ZFPM2: variants seen among roughly 807,000 people sequenced by gnomAD.
ZFPM2 encodes the protein zinc finger protein ZFPM2.
ZFPM2 carries 20 observed loss-of-function variants against 98.6 expected under a neutral mutation model. The observed-to-expected ratio is 0.20, with a 90% CI of 0.14 to 0.29. The LOEUF is 0.29. Among genes scored for constraint, ZFPM2 ranks in the 10% least tolerant of loss-of-function variants. ZFPM2 has a pLI of 1.00. For synonymous variants in ZFPM2, 518 were observed against 502.7 expected (o/e 1.03, Z -0.41); for missense variants, 1,310 against 1,388.6 (o/e 0.94, Z 0.90).
rs1471269741 is a variant in ZFPM2, at chr8:105,534,154, C to T, written c.302-27209C>T. Among the ~76,000 whole-genome samples, 202 of 77,138 alleles carry T rather than the reference C, an allele frequency of 2.6e-3. 1 individual carries two copies. The highest frequency in any genetic ancestry group is 4.1e-3 in the Non-Finnish European group (157 of 38,574). 50.6% of individuals were successfully genotyped at this position (77,138 alleles called of 152,430 possible). A position where few individuals can be genotyped will look rare whatever the true frequency, so the allele number is the denominator to read the frequency against. On this transcript the variant is annotated intron_variant, in intron 3 of 7. Coordinates refer to ENST00000407775, the MANE Select transcript of ZFPM2 (RefSeq NM_012082.4). ...CCCTTCCTTCCTTTCTTCCTTCCTC[C>T]CTCCTTTCTCTCTTCCTCCCTCCTT...
At chr8:105,639,002 C>G (rs1307560925) in intron 5 of ZFPM2, among the ~76,000 whole-genome samples, 1 of 152,026 alleles carries the variant, frequency 6.6e-6, no homozygotes, top group Non-Finnish European at 1.5e-5. Context: ...GTTGGGTCGT[C>G]TGTTTTTTGC....
chr8:105,653,852 A>ATCTTTTTTT (rs1817230243), intron 5 of ZFPM2, among the ~76,000 whole-genome samples: 1 of 56,226 alleles, frequency 1.8e-5, no homozygotes, highest in Non-Finnish European at 3.7e-5. Flanking sequence ...CTTGTGTGCT[A>ATCTTTTTTT]TCTTTTTTTT....
intron 5 of ZFPM2, among the ~76,000 whole-genome samples, chr8:105,760,665 G>T (rs1812714714): frequency 6.6e-6 from 1 of 152,008 alleles, no homozygotes; most frequent in Non-Finnish European, 1.5e-5. Context: ...AAGCAACTGT[G>T]ACATCTTTAG....
At chr8:105,418,684 G>T in intron 1 of ZFPM2, 1 of 499,318 alleles carries the variant, frequency 2.0e-6, no homozygotes, top group South Asian at 1.5e-5. Flanking sequence ...ATTTTTAAAA[G>T]TATAGACTTT....
intron 4 of ZFPM2, among the ~76,000 whole-genome samples, chr8:105,607,585 G>A (rs1563740678): frequency 6.6e-6 from 1 of 151,996 alleles, no homozygotes; most frequent in Non-Finnish European, 1.5e-5. Context: ...AGAGTTAAAT[G>A]CGTTTGTCTA....
At chr8:105,467,979 A>G (rs1159871816) in intron 3 of ZFPM2, among the ~76,000 whole-genome samples, 1 of 151,956 alleles carries the variant, frequency 6.6e-6, no homozygotes, top group African/African-American at 2.4e-5. Flanking sequence ...AAAATAATCT[A>G]AAGAGAGAAC....
At chr8:105,544,622 C>T (rs1294938076) in intron 3 of ZFPM2, among the ~76,000 whole-genome samples, 2 of 152,102 alleles carry the variant, frequency 1.3e-5, no homozygotes, top group Non-Finnish European at 2.9e-5. Context: ...TCTAATGGTT[C>T]ATGTAGTTGT....
chr8:105,478,637 A>G (rs1813057059), intron 3 of ZFPM2, among the ~76,000 whole-genome samples: 2 of 152,214 alleles, frequency 1.3e-5, no homozygotes, highest in African/African-American at 4.8e-5. Context: ...GAGTTAAATA[A>G]GAGTGTTAGT....
chr8:105,783,677 A>G (rs1442634341), intron 5 of ZFPM2, among the ~76,000 whole-genome samples: 1 of 152,170 alleles, frequency 6.6e-6, no homozygotes, highest in Non-Finnish European at 1.5e-5. Context: ...ACTCAGTACA[A>G]TGTCCTCAAG....
intron 2 of ZFPM2, among the ~76,000 whole-genome samples, chr8:105,442,330 C>T (rs1460248041): frequency 1.3e-5 from 2 of 152,006 alleles, no homozygotes; most frequent in Admixed American, 1.3e-4. Context: ...GGTGACAGAG[C>T]GAGACTCCGT....
chr8:105,452,099 T>C, intron 3 of ZFPM2, among the ~76,000 whole-genome samples: 1 of 152,136 alleles, frequency 6.6e-6, no homozygotes, highest in East Asian at 1.9e-4. Flanking sequence ...TCCATTCTAA[T>C]GAAACAAACT....
chr8:105,501,376 G>T (rs1448298075), intron 3 of ZFPM2, among the ~76,000 whole-genome samples: 1 of 151,714 alleles, frequency 6.6e-6, no homozygotes, highest in Non-Finnish European at 1.5e-5. Context: ...GTAGAGAGGG[G>T]GTTTCACCAT....
intron 2 of ZFPM2, among the ~76,000 whole-genome samples, chr8:105,423,024 T>C (rs540536603): frequency 4.8e-4 from 72 of 151,104 alleles, no homozygotes; most frequent in Admixed American, 2.7e-3. Context: ...AGTTCCACAC[T>C]GATATTATCT....
intron 5 of ZFPM2, among the ~76,000 whole-genome samples, chr8:105,681,180 A>T (rs554640720): frequency 8.7e-4 from 133 of 152,176 alleles, no homozygotes; most frequent in African/African-American, 3.0e-3. Context: ...GGTTATATAA[A>T]TTTTTTATAT....
chr8:105,803,297 A>G lies in ZFPM2; in HGVS notation c.3215A>G (p.Asp1072Gly). ...TCCCAGAATCCTCAGCACGAAGACG[A>G]CCACAAATCTCCCTCGTGGATCTCT... ...NISQNPQHEDDHKSPSWISEN... is the reference protein window; with the variant it reads ...NISQNPQHEDGHKSPSWISEN... Residue 1072 changes from aspartate (D) to glycine (G), a missense_variant, in exon 8 of 8, where the codon GAC (aspartate) becomes GGC (glycine). Transcript: ENST00000407775. 1 of 1,594,584 alleles carries G rather than the reference A, an allele frequency of 6.3e-7. No individual in the cohort carries two copies. Among genetic ancestry groups the G allele is most frequent in the African/African-American group, 1.3e-5 (1 of 74,342 alleles).
At chr8:105,670,889 G>T (rs1032076048) in intron 5 of ZFPM2, among the ~76,000 whole-genome samples, 3 of 152,030 alleles carry the variant, frequency 2.0e-5, no homozygotes, top group African/African-American at 7.2e-5. Context: ...CTCAGTATTG[G>T]CAGTAGATTA....
chr8:105,518,517 T>C (rs1012747922), intron 3 of ZFPM2, among the ~76,000 whole-genome samples: 12 of 152,200 alleles, frequency 7.9e-5, no homozygotes, highest in African/African-American at 2.9e-4. Context: ...ATTGAGAATG[T>C]GTGTGTTGAT....
chr8:105,481,894 A>G (rs570897182), intron 3 of ZFPM2, among the ~76,000 whole-genome samples: 1 of 152,322 alleles, frequency 6.6e-6, no homozygotes, highest in African/African-American at 2.4e-5. Context: ...CAACAACAGC[A>G]ACTTATTGCC....
At chr8:105,330,848 T>A (rs1171303243) in intron 1 of ZFPM2, among the ~76,000 whole-genome samples, 1 of 149,940 alleles carries the variant, frequency 6.7e-6, no homozygotes, top group Non-Finnish European at 1.5e-5. Flanking sequence ...AGAAAACAAT[T>A]GAATTTTCCT....
Sources: allele counts gnomAD v4.1 joint callset (sites outside exome capture counted in the v4.1 genomes callset), GRCh38; gene constraint gnomAD v4.1.1; transcripts MANE v1.5; gene names NCBI Gene and HGNC (gene_info 2026-07-23, HGNC 2026-07-21).